ARHGAP8: variants seen among roughly 807,000 people sequenced by gnomAD.
ARHGAP8 encodes rho GTPase-activating protein 8.
Under a neutral mutation model 46.1 loss-of-function variants are expected in ARHGAP8, and 62 were observed. That is an observed-to-expected ratio of 1.34 (90% CI 1.10 to 1.66). The LOEUF is 1.66. Among genes scored for constraint, ARHGAP8 ranks in the 40% most tolerant of loss-of-function variants. ARHGAP8 has a pLI of 0.00. For synonymous variants in ARHGAP8, 375 were observed against 243.1 expected (o/e 1.54, Z -5.05); for missense variants, 923 against 568.4 (o/e 1.62, Z -6.34).
chr22:44,838,431 C>A (rs376021420), intron 7 of ARHGAP8, among the ~76,000 whole-genome samples: 5 of 152,214 alleles, frequency 3.3e-5, no homozygotes, highest in African/African-American at 9.6e-5. Flanking sequence ...CCACCGTACC[C>A]GGCCTTAATT....
intron 7 of ARHGAP8, among the ~76,000 whole-genome samples, chr22:44,838,118 A>C (rs933632994): frequency 6.7e-6 from 1 of 149,026 alleles, no homozygotes; most frequent in Non-Finnish European, 1.5e-5. Flanking sequence ...AGATTACAGG[A>C]GTGCGCCACC....
In ARHGAP8 at chr22:44,856,880, T is replaced by C. The variant is rs556014182; in HGVS notation, c.878-2851T>C. ...TCAGAAAGGAAGAAAACAAAGAGACTTTGACCACCCTCACACAGTCGCGCT... is the reference window on the plus strand; with the variant it reads ...TCAGAAAGGAAGAAAACAAAGAGACCTTGACCACCCTCACACAGTCGCGCT... On this transcript the variant is annotated intron_variant, in intron 10 of 11. Transcript: ENST00000356099. Among the ~76,000 whole-genome samples, 4 of 144,210 alleles carry C rather than the reference T, an allele frequency of 2.8e-5. No homozygotes were observed. The East Asian group carries it at 7.9e-4, about 29-fold the overall frequency. The allele number at this position is 144,210 out of a possible 152,430, so 94.6% of individuals were successfully genotyped here. A position where few individuals can be genotyped will look rare whatever the true frequency, so the allele number is the denominator to read the frequency against.
chr22:44,816,884 C>CTTTCTTT (rs1282557789), intron 5 of ARHGAP8, among the ~76,000 whole-genome samples: 2 of 115,110 alleles, frequency 1.7e-5, no homozygotes, highest in Admixed American at 8.9e-5. Context: ...TTCTTTCTTT[C>CTTTCTTT]TTTTTTTTTT....
chr22:44,806,972 AAG>A (rs1491459656), intron 3 of ARHGAP8, among the ~76,000 whole-genome samples: 10 of 151,422 alleles, frequency 6.6e-5, no homozygotes, highest in African/African-American at 9.7e-5. Context: ...AAAAAAAAAA[AAG>A]AAATCAAACG....
intron 1 of ARHGAP8, among the ~76,000 whole-genome samples, chr22:44,779,653 C>T (rs1421386210): frequency 1.3e-5 from 2 of 150,650 alleles, no homozygotes; most frequent in Admixed American, 6.7e-5. Flanking sequence ...CCTCTGCCTA[C>T]CAGGTTCAAG....
chr22:44,858,528 C>G (rs562227696), intron 10 of ARHGAP8, among the ~76,000 whole-genome samples: 777 of 56,254 alleles, frequency 0.014, 13 homozygotes, highest in East Asian at 0.057. Flanking sequence ...TGCCACCATA[C>G]CCGGCTTTTT....
At chr22:44,860,324 G>T (rs1225810436) in intron 11 of ARHGAP8, among the ~76,000 whole-genome samples, 1 of 152,150 alleles carries the variant, frequency 6.6e-6, no homozygotes, top group Non-Finnish European at 1.5e-5. Context: ...CCAAAAGCAA[G>T]GTGTGGCGGG....
intron 1 of ARHGAP8, among the ~76,000 whole-genome samples, chr22:44,773,509 C>T (rs887536683): frequency 2.0e-5 from 3 of 152,182 alleles, no homozygotes; most frequent in African/African-American, 7.2e-5. Context: ...TAACATACTT[C>T]ACAGGACAGA....
chr22:44,822,729 C>T (rs1227909430), intron 6 of ARHGAP8, among the ~76,000 whole-genome samples: 1 of 152,208 alleles, frequency 6.6e-6, no homozygotes, highest in East Asian at 1.9e-4. Flanking sequence ...AAAATAAGCC[C>T]TAACATGGCA....
chr22:44,845,027 A>G lies in ARHGAP8; in HGVS notation c.597-242A>G, dbSNP rs558529725. On this transcript the variant is annotated intron_variant, in intron 7 of 11. Coordinates refer to ENST00000356099, the MANE Select transcript of ARHGAP8 (RefSeq NM_181335.3). ...TTGCCCCCTGGGGAAGCCCTCCCCA[A>G]ACCCCATGTCTTCCCTGTATCATAA... 2.0e-5 allele frequency among the ~76,000 whole-genome samples: 3 copies of G among 152,296 alleles called. No homozygotes were observed. In the South Asian group the frequency reaches 6.2e-4, roughly 32 times the overall value.
At chr22:44,832,781 G>A (rs1004579199) in intron 7 of ARHGAP8, among the ~76,000 whole-genome samples, 1 of 152,066 alleles carries the variant, frequency 6.6e-6, no homozygotes, top group African/African-American at 2.4e-5. Context: ...CCAATACATT[G>A]TTGAATAAAA....
intron 7 of ARHGAP8, among the ~76,000 whole-genome samples, chr22:44,840,904 G>C (rs1931609466): frequency 6.6e-6 from 1 of 152,208 alleles, no homozygotes; most frequent in African/African-American, 2.4e-5. Context: ...CAGGCCTTTG[G>C]GGAGGTCTGG....
intron 3 of ARHGAP8, among the ~76,000 whole-genome samples, chr22:44,805,793 A>G (rs1928880899): frequency 6.6e-6 from 1 of 152,264 alleles, no homozygotes; most frequent in African/African-American, 2.4e-5. Flanking sequence ...AACACCCCGT[A>G]CATTATCCTC....
chr22:44,772,153 G>A (rs1441146259), intron 1 of ARHGAP8, among the ~76,000 whole-genome samples: 1 of 125,080 alleles, frequency 8.0e-6, no homozygotes, highest in Non-Finnish European at 1.7e-5. Flanking sequence ...TTCTGTATCT[G>A]TTTTTTTCCT....
At chr22:44,798,495 C>T (rs1018608570) in intron 2 of ARHGAP8, among the ~76,000 whole-genome samples, 11 of 151,646 alleles carry the variant, frequency 7.3e-5, no homozygotes, top group African/African-American at 2.4e-4. Flanking sequence ...ACCCTGTTTC[C>T]AGTGTCACAT....
At chr22:44,784,333 G>C (rs963172302) in intron 1 of ARHGAP8, among the ~76,000 whole-genome samples, 8 of 152,176 alleles carry the variant, frequency 5.3e-5, no homozygotes, top group African/African-American at 1.9e-4. Flanking sequence ...GAATCCAGGT[G>C]GTGGAGGTTG....
intron 7 of ARHGAP8, among the ~76,000 whole-genome samples, chr22:44,841,793 C>T (rs899751735): frequency 2.0e-5 from 3 of 152,140 alleles, no homozygotes; most frequent in Non-Finnish European, 4.4e-5. Context: ...TCTCCTTGGA[C>T]GTGGTATATG....
At chr22:44,822,759 G>A (rs893593113) in intron 6 of ARHGAP8, among the ~76,000 whole-genome samples, 1 of 152,196 alleles carries the variant, frequency 6.6e-6, no homozygotes, top group Non-Finnish European at 1.5e-5. Context: ...TGTTGCCTTG[G>A]TGTTTACCGT....
intron 7 of ARHGAP8, among the ~76,000 whole-genome samples, chr22:44,836,771 C>T (rs1931315472): frequency 6.6e-6 from 1 of 152,060 alleles, no homozygotes; most frequent in Non-Finnish European, 1.5e-5. Flanking sequence ...TGGGAAAAGC[C>T]TGGGTGCCCA....
Sources: allele counts gnomAD v4.1 joint callset (sites outside exome capture counted in the v4.1 genomes callset), GRCh38; gene constraint gnomAD v4.1.1; transcripts MANE v1.5; gene names NCBI Gene and HGNC (gene_info 2026-07-23, HGNC 2026-07-21).